Variants in ZNF600 observed in about 807,000 individuals in gnomAD.
The protein encoded by ZNF600 is zinc finger protein 600, also known as zinc finger protein KR-ZNF1.
Under a neutral mutation model 7.3 loss-of-function variants are expected in ZNF600, and 4 were observed. That is an observed-to-expected ratio of 0.55 (90% CI 0.27 to 1.25). The LOEUF is 1.25. Ranked by LOEUF, ZNF600 falls within the 50% of genes most tolerant of loss-of-function variation. The pLI is 0.12. For synonymous variants in ZNF600, 290 were observed against 308.9 expected (o/e 0.94, Z 0.64); for missense variants, 911 against 922.1 (o/e 0.99, Z 0.16).
exon 4 of ZNF600, chr19:52,765,658 C>T: frequency 6.2e-7 from 1 of 1,613,990 alleles, no homozygotes; most frequent in African/African-American, 1.3e-5. Flanking sequence ...AAGGCTTTGC[C>T]ACACTCATTA....
At chr19:52,770,697 T>G (rs1434293005) in intron 3 of ZNF600, among the ~76,000 whole-genome samples, 1 of 152,186 alleles carries the variant, frequency 6.6e-6, no homozygotes, top group African/African-American at 2.4e-5. Context: ...GGCCCGAATG[T>G]TCACCTTGGC....
chr19:52,808,887 A>G, the ZNF600 span, among the ~76,000 whole-genome samples: 2 of 152,194 alleles, frequency 1.3e-5, no homozygotes, highest in African/African-American at 2.4e-5. Context: ...TTTTCACAAA[A>G]TAATAAAACC....
chr19:52,810,831 A>G, the ZNF600 span: 1 of 254,478 alleles, frequency 3.9e-6, no homozygotes, highest in Non-Finnish European at 7.3e-6. Flanking sequence ...TATATTTTTA[A>G]AAAAAGAGTC....
the ZNF600 span, among the ~76,000 whole-genome samples, chr19:52,829,359 TC>T: frequency 1.1e-5 from 1 of 93,614 alleles, no homozygotes. Context: ...ATGCTATCCC[TC>T]CCCCCTCCCC....
At chr19:52,810,846 TC>T in the ZNF600 span, 6 of 137,704 alleles carry the variant, frequency 4.4e-5, no homozygotes, top group African/African-American at 3.3e-4. Context: ...AGAGTCCCTC[TC>T]CCTCTCCCTC....
the ZNF600 span, among the ~76,000 whole-genome samples, chr19:52,821,389 C>G: frequency 0.015 from 2,309 of 152,160 alleles, 57 homozygotes; most frequent in African/African-American, 0.052. Context: ...CAGAAAGACC[C>G]GGGACGGGAC....
upstream of ZNF600, among the ~76,000 whole-genome samples, chr19:52,791,251 C>T (rs2062790139): frequency 6.6e-6 from 1 of 152,206 alleles, no homozygotes; most frequent in Admixed American, 6.5e-5. Context: ...CACCCCATGT[C>T]CATTGATGTC....
the ZNF600 span, chr19:52,810,653 G>A: frequency 1.7e-6 from 2 of 1,183,604 alleles, no homozygotes; most frequent in Non-Finnish European, 2.5e-6. Flanking sequence ...AGCAGGCTCT[G>A]GGGTCGCGTC....
At chr19:52,811,461 C>T in the ZNF600 span, among the ~76,000 whole-genome samples, 4 of 145,646 alleles carry the variant, frequency 2.7e-5, no homozygotes, top group South Asian at 2.2e-4. Flanking sequence ...GCCTCTTCCC[C>T]GCCGCCATCC....
At chr19:52,816,834 A>AAATAAT in the ZNF600 span, among the ~76,000 whole-genome samples, 20,630 of 138,142 alleles carry the variant, frequency 0.15, 1,659 homozygotes, top group Admixed American at 0.23. Context: ...CCGTTTCAGA[A>AAATAAT]AATAATAATA....
chr19:52,766,393 A>T, exon 4 of ZNF600: 1 of 1,614,092 alleles, frequency 6.2e-7, no homozygotes, highest in Non-Finnish European at 8.5e-7. Context: ...TCAAGGGTTG[A>T]TCCACAACTG....
chr19:52,803,556 A>C, the ZNF600 span, among the ~76,000 whole-genome samples: 1 of 152,368 alleles, frequency 6.6e-6, no homozygotes, highest in Admixed American at 6.5e-5. Flanking sequence ...CCCTCTTAAG[A>C]AAAAAGCCAA....
the ZNF600 span, chr19:52,801,424 C>T: frequency 3.1e-6 from 5 of 1,614,168 alleles, no homozygotes; most frequent in East Asian, 2.2e-5. Context: ...AAGCTTAATC[C>T]AAGCTGATCT....
chr19:52,801,668 G>A, the ZNF600 span: 3 of 1,611,388 alleles, frequency 1.9e-6, no homozygotes, highest in African/African-American at 4.0e-5. Context: ...GCCCTGTTGA[G>A]AAGAATGTCT....
the ZNF600 span, among the ~76,000 whole-genome samples, chr19:52,806,327 T>C: frequency 1.3e-5 from 2 of 152,008 alleles, no homozygotes; most frequent in Non-Finnish European, 2.9e-5. Context: ...CTGAGTAGCT[T>C]GGATTACAGC....
upstream of ZNF600, among the ~76,000 whole-genome samples, chr19:52,788,520 G>A (rs180821151): frequency 0.013 from 2,031 of 152,232 alleles, 22 homozygotes; most frequent in Non-Finnish European, 0.02. Flanking sequence ...GGATAAAGAT[G>A]GTTCTCTGCT....
chr19:52,768,300 G>A (rs1443589435), intron 3 of ZNF600, among the ~76,000 whole-genome samples: 1 of 151,474 alleles, frequency 6.6e-6, no homozygotes, highest in Non-Finnish European at 1.5e-5. Flanking sequence ...TTAACCAGGT[G>A]TGCTGGCCCG....
exon 4 of ZNF600, chr19:52,765,987 G>A (rs2062569851): frequency 6.2e-7 from 1 of 1,614,062 alleles, no homozygotes; most frequent in African/African-American, 1.3e-5. Context: ...ACGCACGAAA[G>A]CCTTGTCACA....
chr19:52,801,701 A>C, the ZNF600 span: 2 of 1,610,154 alleles, frequency 1.2e-6, no homozygotes, highest in Non-Finnish European at 1.7e-6. Flanking sequence ...TGGAAGAGAT[A>C]TCTACAAAAT....
Sources: gnomAD v4.1 joint callset for allele counts (sites outside exome capture counted in the v4.1 genomes callset) on GRCh38, gnomAD v4.1.1 for gene constraint, MANE v1.5 for transcripts, NCBI Gene and HGNC (gene_info 2026-07-23, HGNC 2026-07-21) for gene names.